The following ADAM2 variants were observed in gnomAD, a reference collection of about 807,000 sequenced individuals.
ADAM2 encodes ADAM metallopeptidase domain 2.
A neutral mutation model predicts 99.3 loss-of-function variants in ADAM2; 101 were observed. That is an observed-to-expected ratio of 1.02 (90% CI 0.87 to 1.20). The LOEUF (loss-of-function observed/expected upper bound fraction) is 1.20, where lower values mean the gene tolerates loss of function less well. Ranked by LOEUF, ADAM2 falls within the 50% of genes most tolerant of loss-of-function variation. ADAM2 has a pLI of 0.00. For synonymous variants in ADAM2, 323 were observed against 287.6 expected, an observed-to-expected ratio of 1.12 and a Z score of -1.25; for missense variants, 948 against 878.7, an observed-to-expected ratio of 1.08 and a Z score of -1.00.
intron 11 of ADAM2, among the ~76,000 whole-genome samples, chr8:39,770,664 G>A (rs188698163): frequency 1.0e-3 from 157 of 152,282 alleles, no homozygotes; most frequent in Admixed American, 1.7e-3. Context: ...AAAGTTGTGA[G>A]AGTATCATAC....
chr8:39,787,035 T>A lies in ADAM2; in HGVS notation c.830A>T (p.Tyr277Phe), dbSNP rs768023059. 1 of 1,593,390 alleles carries A rather than the reference T, an allele frequency of 6.3e-7. No individual in the cohort carries two copies. Among genetic ancestry groups the A allele is most frequent in the Non-Finnish European group, 8.6e-7 (1 of 1,169,376 alleles). Residue 277 changes from tyrosine (Y) to phenylalanine (F), a missense_variant, in exon 10 of 21, where the codon TAT becomes TTT. Tyr to Phe is a conservative substitution (Grantham distance 22). Coordinates refer to ENST00000265708, the MANE Select transcript of ADAM2 (RefSeq NM_001464.5). ...FLLVYREKSN[Y>F]VGATFQGKMC... Reference sequence around the variant, plus strand: ...CTTCCCTTGAAAGGTTGCACCAACATAATTTGACTTTTCTCTGTAACTTAA... The same window carrying A: ...CTTCCCTTGAAAGGTTGCACCAACAAAATTTGACTTTTCTCTGTAACTTAA...
At chr8:39,788,607 G>T in intron 8 of ADAM2, 62 bp downstream of exon 8, 1 of 1,139,436 alleles carries the variant, frequency 8.8e-7, no homozygotes, top group Non-Finnish European at 1.3e-6. Flanking sequence ...GTGTCATAAT[G>T]AGGTGTAGAA....
intron 7 of ADAM2, among the ~76,000 whole-genome samples, chr8:39,805,499 A>C (rs573902462): frequency 8.5e-5 from 13 of 152,350 alleles, no homozygotes; most frequent in African/African-American, 2.9e-4. Context: ...AATTGTCAAA[A>C]ATCATTTCAA....
intron 6 of ADAM2, among the ~76,000 whole-genome samples, chr8:39,812,264 C>A (rs572228947): frequency 6.6e-6 from 1 of 151,564 alleles, no homozygotes; most frequent in African/African-American, 2.4e-5. Flanking sequence ...CACTGCTCAA[C>A]GAAATAAAAG....
rs1317542539 is a variant in ADAM2, at chr8:39,744,064, A to G, written c.*31T>C. ...CCATCACAGATAATTACTCTAGAAGACTGAATAAATGAAAAAAAAAGTCAC... is the reference window on the plus strand; with the variant it reads ...CCATCACAGATAATTACTCTAGAAGGCTGAATAAATGAAAAAAAAAGTCAC... On this transcript the variant is annotated splice_region_variant and 3_prime_UTR_variant, in exon 21 of 21. Transcript: ENST00000265708. 2 of 139,006 alleles carry G rather than the reference A, an allele frequency of 1.4e-5. No individual in the cohort carries two copies. The highest frequency in any genetic ancestry group is 3.2e-5 in the Non-Finnish European group (2 of 63,010). 8.6% of individuals were successfully genotyped at this position (139,006 alleles called of 1,614,324 possible).
intron 3 of ADAM2, among the ~76,000 whole-genome samples, chr8:39,832,222 A>G (rs1805647389): frequency 6.6e-6 from 1 of 152,170 alleles, no homozygotes; most frequent in Non-Finnish European, 1.5e-5. Context: ...TGTTGCCAGG[A>G]AAATGCACAG....
chr8:39,782,265 T>C (rs1371361458), intron 10 of ADAM2, among the ~76,000 whole-genome samples: 3 of 152,194 alleles, frequency 2.0e-5, no homozygotes, highest in African/African-American at 7.2e-5. Context: ...ATCTATTTTT[T>C]AATAAAGTAG....
chr8:39,749,249 T>G, intron 18 of ADAM2, 63 bp downstream of exon 18: 1 of 1,407,588 alleles, frequency 7.1e-7, no homozygotes, highest in East Asian at 2.5e-5. Flanking sequence ...ATATTATTTG[T>G]TATCCAATTT....
In ADAM2 at chr8:39,824,817, A is replaced by G. The variant is rs747364315; in HGVS notation, c.267+2T>C. ...AAATAAAAGAGATCATAAAAAACAT[A>G]CCTGAAAATCTTGGTCAAGTGGTTT... On this transcript the variant is annotated splice_donor_variant, in intron 4 of 20. Transcript: ENST00000265708. LOFTEE classifies it high-confidence loss of function. The G allele has an allele frequency of 6.0e-6, 9 of 1,503,112 alleles. No individual in the cohort carries two copies. The South Asian group carries it at 9.4e-5, about 16-fold the overall frequency. 93.1% of individuals were successfully genotyped at this position (1,503,112 alleles called of 1,614,324 possible).
At chr8:39,831,678 A>G (rs1260169316) in intron 3 of ADAM2, among the ~76,000 whole-genome samples, 2 of 152,184 alleles carry the variant, frequency 1.3e-5, no homozygotes, top group East Asian at 3.8e-4. Flanking sequence ...AAATATAGTC[A>G]TTGAAAAATA....
intron 7 of ADAM2, among the ~76,000 whole-genome samples, chr8:39,792,079 T>A (rs1193328606): frequency 2.0e-5 from 3 of 151,566 alleles, no homozygotes; most frequent in Non-Finnish European, 4.4e-5. Context: ...AGCACTACCA[T>A]CTTGGGCTTT....
chr8:39,780,581 C>T (rs1011559613), intron 10 of ADAM2, among the ~76,000 whole-genome samples: 4 of 152,080 alleles, frequency 2.6e-5, no homozygotes, highest in Non-Finnish European at 5.9e-5. Context: ...TCCAGAATAT[C>T]ATTGAAAGAA....
chr8:39,817,335 G>A (rs1290771833), intron 6 of ADAM2, among the ~76,000 whole-genome samples: 1 of 152,148 alleles, frequency 6.6e-6, no homozygotes, highest in East Asian at 1.9e-4. Context: ...GGATAGGAAG[G>A]GTCAGGGGAG....
intron 6 of ADAM2, chr8:39,818,152 T>C (rs1254683989): frequency 1.3e-5 from 2 of 151,984 alleles, no homozygotes; most frequent in Non-Finnish European, 2.9e-5. Flanking sequence ...CAATATTCTT[T>C]ATAAATATAA....
intron 7 of ADAM2, among the ~76,000 whole-genome samples, chr8:39,789,838 C>T (rs1803627512): frequency 6.6e-6 from 1 of 151,480 alleles, no homozygotes. Flanking sequence ...ACATTTACAA[C>T]TAACAACAAA....
intron 14 of ADAM2, among the ~76,000 whole-genome samples, chr8:39,766,293 C>A (rs1283537673): frequency 6.6e-6 from 1 of 152,146 alleles, no homozygotes; most frequent in African/African-American, 2.4e-5. Context: ...TCTCTACTTT[C>A]TTCCTTCTTG....
intron 7 of ADAM2, among the ~76,000 whole-genome samples, chr8:39,798,532 A>G (rs1804068089): frequency 1.3e-5 from 2 of 152,100 alleles, no homozygotes; most frequent in Non-Finnish European, 2.9e-5. Flanking sequence ...TGGTTTTGGT[A>G]TCAGGATGAT....
intron 6 of ADAM2, among the ~76,000 whole-genome samples, chr8:39,813,319 G>A (rs1044450127): frequency 2.0e-5 from 3 of 152,202 alleles, no homozygotes; most frequent in African/African-American, 7.2e-5. Context: ...TACACTGTTG[G>A]TGGGACTATA....
intron 18 of ADAM2, among the ~76,000 whole-genome samples, chr8:39,747,742 G>A (rs1294107010): frequency 6.6e-6 from 1 of 152,154 alleles, no homozygotes; most frequent in Admixed American, 6.5e-5. Context: ...TAGTTTCATA[G>A]TAGGCATGAG....
Sources: gnomAD v4.1 joint callset for allele counts (sites outside exome capture counted in the v4.1 genomes callset) on GRCh38, gnomAD v4.1.1 for gene constraint, MANE v1.5 for transcripts, NCBI Gene and HGNC (gene_info 2026-07-23, HGNC 2026-07-21) for gene names.